The following PNN variants were observed in gnomAD, a reference collection of about 807,000 sequenced individuals.
PNN encodes pinin.
PNN carries 38 observed loss-of-function variants against 76.6 expected under a neutral mutation model. The ratio of observed to expected loss-of-function variants is 0.50; its 90% CI spans 0.38 to 0.65. PNN has a LOEUF of 0.65. PNN is among the 30% of genes least tolerant of loss of function. The pLI, the probability that PNN is intolerant of heterozygous loss-of-function variation, is 0.00. For missense variants in PNN, 873 were observed against 874.1 expected, an observed-to-expected ratio of 1.00 and a Z score of 0.02; for synonymous variants, 366 against 283.7, an observed-to-expected ratio of 1.29 and a Z score of -2.91.
Position 39,181,686 on chromosome 14 carries a change from A to T in PNN, c.1977A>T (p.Gly659=). The change falls in exon 9 of 9, where the codon GGA becomes GGT. Residue 659 remains glycine (G), a synonymous_variant. Coordinates refer to ENST00000216832, the MANE Select transcript of PNN (RefSeq NM_002687.4). ...SVDRKRRDTS[G]LERSHKSSKG... is the part of the protein sequence containing the mutation. ...ATCGGAAGAGAAGGGATACTTCAGG[A>T]CTAGAAAGAAGTCACAAATCTTCAA... is the stretch of plus-strand genomic sequence containing the variant. 6.2e-7 allele frequency: 1 copy of T among 1,614,040 alleles called. No homozygotes were observed. The highest frequency in any genetic ancestry group is 1.1e-5 in the South Asian group (1 of 91,080).
At position 39,182,782 on chromosome 14, in the gene PNN, AC is replaced by A. The variant is rs2053279375; in HGVS notation, c.*920del. The A allele has an allele frequency of 6.5e-6, 1 of 152,692 alleles. No individual in the cohort carries two copies. Among genetic ancestry groups the A allele is most frequent in the South Asian group, 2.1e-4 (1 of 4,836 alleles). The allele number at this position is 152,692 out of a possible 1,614,324, so 9.5% of individuals were successfully genotyped here. A position where few individuals can be genotyped will look rare whatever the true frequency, so the allele number is the denominator to read the frequency against. ...TTAAGGAAGTATTGTATGGAAGTCC[AC>A]AAAATGAAGGAAGTTCATCTAGGTT... On this transcript the variant is annotated 3_prime_UTR_variant, in exon 9 of 9. Transcript: ENST00000216832.
chr14:39,176,624 T>A, intron 3 of PNN, 29 bp downstream of exon 3: 2 of 1,272,502 alleles, frequency 1.6e-6, no homozygotes, highest in Non-Finnish European at 2.3e-6. Context: ...TCCTGAAGGC[T>A]TCTTTAGTTT....
chr14:39,178,746 AT>A (rs1239159052), intron 6 of PNN, among the ~76,000 whole-genome samples: 32 of 123,684 alleles, frequency 2.6e-4, no homozygotes, highest in East Asian at 6.9e-4. Flanking sequence ...AAAAAAAAAA[AT>A]TTTTTTTGAG....
chr14:39,180,383 C>T, intron 8 of PNN, 120 bp from the exon 9 acceptor site: 4 of 1,072,154 alleles, frequency 3.7e-6, no homozygotes, highest in Non-Finnish European at 5.1e-6. Flanking sequence ...AATCTTTTGT[C>T]ATAACTTTAC....
chr14:39,180,871 G>C lies in PNN; in HGVS notation c.1162G>C (p.Asp388His). 1 of 1,614,186 alleles carries C rather than the reference G, an allele frequency of 6.2e-7. No homozygotes were observed. The change falls in exon 9 of 9, where the codon GAT becomes CAT. Residue 388 changes from aspartate (D) to histidine (H), a missense_variant. Coordinates refer to ENST00000216832, the MANE Select transcript of PNN (RefSeq NM_002687.4). ...QQDSQPEEVM[D>H]VLEMVENVKH... ...GGATAGTCAGCCTGAAGAAGTTATG[G>C]ATGTGCTAGAGATGGTTGAGAATGT...
chr14:39,175,541 C>G, intron 1 of PNN, 149 bp downstream of exon 1: 1 of 662,212 alleles, frequency 1.5e-6, no homozygotes, highest in Non-Finnish European at 2.7e-6. Flanking sequence ...CTGTTGTCGC[C>G]GAGGTGGAGA....
At chr14:39,177,568 T>A in intron 4 of PNN, 25 bp from the exon 5 acceptor site, 1 of 1,608,402 alleles carries the variant, frequency 6.2e-7, no homozygotes, top group Non-Finnish European at 8.5e-7. Flanking sequence ...GCTAGTTAAA[T>A]TACTGAGATT....
Position 39,175,303 on chromosome 14 carries a change from G to C in PNN, c.24G>C (p.Leu8Phe). 6.2e-7 allele frequency: 1 copy of C among 1,609,330 alleles called. No individual in the cohort carries two copies. Among genetic ancestry groups the C allele is most frequent in the Non-Finnish European group, 8.5e-7 (1 of 1,177,286 alleles). The change falls in exon 1 of 9, where the codon TTG (leucine) becomes TTC (phenylalanine). Residue 8 changes from leucine (L) to phenylalanine (F), a missense_variant. Leu to Phe is a conservative substitution (Grantham distance 22). Around this residue, in one of 3 missense-constraint regions of PNN, gnomAD observed 156 missense variants for 161.7 expected, o/e 0.96. Transcript: ENST00000216832. ...AGATGGCGGTCGCCGTGAGAACTTT[G>C]CAGGAACAGCTGGAAAAGGCCAAAG... MAVAVRT[L>F]QEQLEKAKES...
rs1262136817 is a variant in PNN at position 39,177,601 on chromosome 14, G to A, written c.336G>A (p.Leu112=). 5 of 1,613,138 alleles carry A rather than the reference G, an allele frequency of 3.1e-6. No homozygotes were observed. The African/African-American group carries it at 4.0e-5, about 13-fold the overall frequency. Reference sequence around the variant, plus strand: ...ATTTTCTTTTTCTGCAGCCAGCATTGCAGTCTTCAGTTGTAGCTACCTCCA... The same window carrying A: ...ATTTTCTTTTTCTGCAGCCAGCATTACAGTCTTCAGTTGTAGCTACCTCCA... ...PEDDDVKKPA[L]QSSVVATSKE... Residue 112 remains leucine (L), a synonymous_variant, in exon 5 of 9, where the codon TTG becomes TTA. Transcript: ENST00000216832.
chr14:39,175,275 A>C lies in PNN; in HGVS notation c.-5A>C. 6.4e-7 allele frequency: 1 copy of C among 1,574,636 alleles called. No homozygotes were observed. The highest frequency in any genetic ancestry group is 8.7e-7 in the Non-Finnish European group (1 of 1,148,434). On this transcript the variant is annotated 5_prime_UTR_variant, in exon 1 of 9. Coordinates refer to ENST00000216832, the MANE Select transcript of PNN (RefSeq NM_002687.4). ...AAGCAGTCTCAAGCCTGCCGCAGGG[A>C]GAAGATGGCGGTCGCCGTGAGAACT...
Position 39,182,458 on chromosome 14 carries a change from C to T in PNN, c.*595C>T, listed in dbSNP as rs577962588. On this transcript the variant is annotated 3_prime_UTR_variant, in exon 9 of 9. Coordinates refer to ENST00000216832, the MANE Select transcript of PNN (RefSeq NM_002687.4). The stretch of plus-strand genomic sequence containing the variant: ...TTAAAATCATTTGCTATTTTCTATT[C>T]TCCCTTGTTATTTTAATCTAAGCAT... 3.9e-5 allele frequency: 6 copies of T among 152,656 alleles called. No individual in the cohort carries two copies. Among genetic ancestry groups the T allele is most frequent in the Non-Finnish European group, 8.8e-5 (6 of 68,076 alleles). The allele number at this position is 152,656 out of a possible 1,614,324, so 9.5% of individuals were successfully genotyped here.
At position 39,179,386 on chromosome 14, in the gene PNN, C is replaced by G. The variant is rs1458433141; in HGVS notation, c.717C>G (p.Pro239=). 2.5e-6 allele frequency: 4 copies of G among 1,609,478 alleles called. No homozygotes were observed. The Admixed American group carries it at 6.7e-5, about 27-fold the overall frequency. The stretch of plus-strand genomic sequence containing the variant: ...AATATATAAGAACTAAGACAAAGCC[C>G]CATTTGTTTTATATTCCTGGAAGAA... ...IIKYIRTKTK[P]HLFYIPGRMC... is the part of the protein sequence containing the mutation. Residue 239 remains proline, a synonymous_variant, in exon 8 of 9, where the codon CCC becomes CCG. Transcript: ENST00000216832.
Position 39,182,513 on chromosome 14 carries a change from T to TGTTC in PNN, c.*652_*655dup, listed in dbSNP as rs1158183182. ...CCCCGTTTCTCATATTTTAACCATA[T>TGTTC]GTTCGGTAGATAACTAAACAGTATG... On this transcript the variant is annotated 3_prime_UTR_variant, in exon 9 of 9. Coordinates refer to ENST00000216832, the MANE Select transcript of PNN (RefSeq NM_002687.4). The TGTTC allele has an allele frequency of 6.5e-6, 1 of 152,694 alleles. No homozygotes were observed. Among genetic ancestry groups the TGTTC allele is most frequent in the East Asian group, 1.9e-4 (1 of 5,208 alleles). 9.5% of individuals were successfully genotyped at this position (152,694 alleles called of 1,614,324 possible). A position where few individuals can be genotyped will look rare whatever the true frequency, so the allele number is the denominator to read the frequency against.
At chr14:39,179,577 C>CT (rs35150527) in intron 8 of PNN, 115 bp downstream of exon 8, 9,376 of 736,214 alleles carry the variant, frequency 0.013, 3 homozygotes, top group Non-Finnish European at 0.015. Flanking sequence ...GCTGTGTTTG[C>CT]TTTTTTTTTT....
chr14:39,176,285 A>G lies in PNN; in HGVS notation c.185+136A>G, dbSNP rs529052746. The G allele has an allele frequency of 8.0e-5, 52 of 646,804 alleles. 1 individual carries two copies. In the Admixed American group the frequency reaches 1.2e-3, roughly 15 times the overall value. The allele number at this position is 646,804 out of a possible 1,614,324, so 40.1% of individuals were successfully genotyped here. On this transcript the variant is annotated intron_variant, in intron 2 of 8. Transcript: ENST00000216832. ...GTTTTGTTTAATGTTGTAATAGACT[A>G]GATTTCTGTATAAATATAGTTATCC...
chr14:39,176,671 T>C, intron 3 of PNN, 76 bp downstream of exon 3: 1 of 875,384 alleles, frequency 1.1e-6, no homozygotes, highest in East Asian at 2.7e-5. Flanking sequence ...TTATTAACAA[T>C]AATTCTGTTT....
At chr14:39,179,965 C>T (rs2053257698) in intron 8 of PNN, among the ~76,000 whole-genome samples, 1 of 151,080 alleles carries the variant, frequency 6.6e-6, no homozygotes, top group Non-Finnish European at 1.5e-5. Flanking sequence ...ATATTTGTAT[C>T]ATGATGGAGT....
intron 6 of PNN, among the ~76,000 whole-genome samples, chr14:39,178,525 C>T (rs1397108516): frequency 6.6e-6 from 1 of 151,796 alleles, no homozygotes; most frequent in Non-Finnish European, 1.5e-5. Flanking sequence ...GCGCAAAACT[C>T]CATCTCAAAA....
At position 39,181,907 on chromosome 14, in the gene PNN, T is replaced by TGA; in HGVS notation, c.*44_*45insGA. 6.6e-7 allele frequency: 1 copy of TGA among 1,513,490 alleles called. No homozygotes were observed. The highest frequency in any genetic ancestry group is 2.3e-5 in the East Asian group (1 of 44,156). 93.8% of individuals were successfully genotyped at this position (1,513,490 alleles called of 1,614,324 possible). A position where few individuals can be genotyped will look rare whatever the true frequency, so the allele number is the denominator to read the frequency against. Reference sequence around the variant, plus strand: ...CTTAGCCATTCTTTGCAGCAGAAGATTTCTTGATAAAAAAGGATTACCTTT... The same window carrying TGA: ...CTTAGCCATTCTTTGCAGCAGAAGATGATTCTTGATAAAAAAGGATTACCTTT... On this transcript the variant is annotated 3_prime_UTR_variant, in exon 9 of 9. Transcript: ENST00000216832.
Sources: gnomAD v4.1 joint callset for allele counts (sites outside exome capture counted in the v4.1 genomes callset) on GRCh38, gnomAD v4.1.1 for gene constraint, gnomAD v4.1.1 regional missense constraint, MANE v1.5 for transcripts, NCBI Gene and HGNC (gene_info 2026-07-23, HGNC 2026-07-21) for gene names.